PDE4D: variants seen among roughly 807,000 people sequenced by gnomAD.
PDE4D encodes the protein phosphodiesterase 4D, also known as 3',5'-cyclic-AMP phosphodiesterase 4D.
Under a neutral mutation model 87.4 loss-of-function variants are expected in PDE4D, and 24 were observed. That is an observed-to-expected ratio of 0.27 (90% CI 0.20 to 0.39). The LOEUF is 0.39. Ranked by LOEUF, PDE4D falls within the 10% of genes least tolerant of loss-of-function variation. PDE4D has a pLI of 1.00. For synonymous variants in PDE4D, 384 were observed against 383.2 expected, an observed-to-expected ratio of 1.00 and a Z score of -0.02; for missense variants, 714 against 1,041.0, an observed-to-expected ratio of 0.69 and a Z score of 4.32.
chr5:59,519,153 T>C (rs1312890059), intron 1 of PDE4D, among the ~76,000 whole-genome samples: 2 of 152,110 alleles, frequency 1.3e-5, no homozygotes, highest in African/African-American at 4.8e-5. Flanking sequence ...TTCCATCCTT[T>C]AGCAAATATT....
At chr5:59,402,885 T>A (rs28696115) in intron 1 of PDE4D, among the ~76,000 whole-genome samples, 26,170 of 152,078 alleles carry the variant, frequency 0.17, 3,043 homozygotes, top group African/African-American at 0.32. Flanking sequence ...TATCCTCCCA[T>A]TACAGTTATA....
At chr5:59,191,078 A>G (rs1199205139) in intron 3 of PDE4D, among the ~76,000 whole-genome samples, 1 of 152,184 alleles carries the variant, frequency 6.6e-6, no homozygotes, top group African/African-American at 2.4e-5. Context: ...TTATATTCCA[A>G]GTTCTAATTT....
chr5:59,818,275 C>T (rs1263609558), intron 1 of PDE4D, among the ~76,000 whole-genome samples: 1 of 152,220 alleles, frequency 6.6e-6, no homozygotes, highest in Non-Finnish European at 1.5e-5. Flanking sequence ...TCTCATGTCC[C>T]AGTTTGCTCA....
intron 2 of PDE4D, among the ~76,000 whole-genome samples, chr5:60,092,199 G>A (rs1296187312): frequency 1.3e-5 from 2 of 150,586 alleles, no homozygotes; most frequent in African/African-American, 2.5e-5. Context: ...GGCACAAAAA[G>A]ACAAATATTG....
At position 59,456,316 on chromosome 5, in the gene PDE4D, C is replaced by T. The variant is rs113358298; in HGVS notation, c.456-240348G>A. Reference sequence around the variant, plus strand: ...TATTCTCCTGATAGTAAATGAGTCTCATAAGATCTGATGGCTTTAAAAATG... The same window carrying T: ...TATTCTCCTGATAGTAAATGAGTCTTATAAGATCTGATGGCTTTAAAAATG... On this transcript the variant is annotated intron_variant, in intron 1 of 14. Coordinates refer to ENST00000340635, the MANE Select transcript of PDE4D (RefSeq NM_001104631.2). Among the ~76,000 whole-genome samples, 12 of 152,272 alleles carry T rather than the reference C, an allele frequency of 7.9e-5. 2 individuals carry two copies. The highest frequency in any genetic ancestry group is 2.6e-4 in the African/African-American group (11 of 41,550).
chr5:59,382,398 A>T (rs1048398280), intron 1 of PDE4D, among the ~76,000 whole-genome samples: 18 of 152,206 alleles, frequency 1.2e-4, no homozygotes, highest in Non-Finnish European at 2.5e-4. Context: ...AGCAAAAAAA[A>T]TTTCCAAACT....
At chr5:59,439,119 G>A (rs1797207720) in intron 1 of PDE4D, among the ~76,000 whole-genome samples, 3 of 152,164 alleles carry the variant, frequency 2.0e-5, no homozygotes, top group Admixed American at 2.0e-4. Context: ...AGCACTTTGG[G>A]AAGCCGACGT....
At chr5:60,151,400 C>T (rs1425526365) in intron 2 of PDE4D, among the ~76,000 whole-genome samples, 1 of 152,124 alleles carries the variant, frequency 6.6e-6, no homozygotes, top group Non-Finnish European at 1.5e-5. Flanking sequence ...AAACACAAAA[C>T]GTCTTTCAAT....
intron 1 of PDE4D, among the ~76,000 whole-genome samples, chr5:59,403,504 C>A (rs1222167891): frequency 6.6e-6 from 1 of 152,130 alleles, no homozygotes; most frequent in African/African-American, 2.4e-5. Flanking sequence ...ATCTCTATCT[C>A]CAGGATCTCA....
rs549840369 is a variant in PDE4D at position 59,676,795 on chromosome 5, CTAAG to C, written c.455+216369_455+216372del. ...TTTCTTTGGGACTATTCAATATCCT[CTAAG>C]TATTTGAAAATATATAATATATCGT... On this transcript the variant is annotated intron_variant, in intron 1 of 14. Coordinates refer to ENST00000340635, the MANE Select transcript of PDE4D (RefSeq NM_001104631.2). Among the ~76,000 whole-genome samples the C allele has an allele frequency of 8.9e-4, 136 of 152,222 alleles. 1 individual carries two copies. The highest frequency in any genetic ancestry group is 3.4e-3 in the Middle Eastern group (1 of 294).
chr5:60,054,962 A>G (rs1228861045), intron 2 of PDE4D, among the ~76,000 whole-genome samples: 1 of 152,102 alleles, frequency 6.6e-6, no homozygotes, highest in African/African-American at 2.4e-5. Context: ...CAACTCAACG[A>G]ATATAAAGAG....
chr5:59,079,262 A>C (rs1294947850), intron 5 of PDE4D, among the ~76,000 whole-genome samples: 2 of 152,226 alleles, frequency 1.3e-5, no homozygotes, highest in African/African-American at 2.4e-5. Context: ...ATATTTATCT[A>C]TTACCTATGT....
chr5:60,385,882 T>C (rs1358597919), intron 1 of PDE4D, among the ~76,000 whole-genome samples: 1 of 152,098 alleles, frequency 6.6e-6, no homozygotes, highest in African/African-American at 2.4e-5. Flanking sequence ...CTCAATTCCT[T>C]GTACCCTAGC....
chr5:59,933,944 C>T (rs543632920), intron 3 of PDE4D, among the ~76,000 whole-genome samples: 1 of 152,096 alleles, frequency 6.6e-6, no homozygotes, highest in South Asian at 2.1e-4. Context: ...TAGGAAAACA[C>T]TTAAAAACCT....
chr5:59,633,982 T>C (rs298040), intron 1 of PDE4D, among the ~76,000 whole-genome samples: 118,043 of 152,028 alleles, frequency 0.78, 45,970 homozygotes, highest in South Asian at 0.91. Context: ...GTGCTGTATT[T>C]AGTAGACTCA....
chr5:59,175,463 T>TTTTC lies in PDE4D; in HGVS notation c.808+5128_808+5131dup, dbSNP rs1443898894. On this transcript the variant is annotated intron_variant, in intron 5 of 14. Transcript: ENST00000340635. ...TCATCACATTCGGAACTCTATCCAT[T>TTTTC]TTTCTTTCTTTTTTTTTTTTTTTTT... Among the ~76,000 whole-genome samples the TTTTC allele has an allele frequency of 5.3e-4, 62 of 116,320 alleles. 12 individuals are homozygous for TTTTC. Among genetic ancestry groups the TTTTC allele is most frequent in the African/African-American group, 6.6e-4 (18 of 27,440 alleles). The allele number at this position is 116,320 out of a possible 152,430, so 76.3% of individuals were successfully genotyped here. A position where few individuals can be genotyped will look rare whatever the true frequency, so the allele number is the denominator to read the frequency against.
At chr5:59,585,839 A>G (rs1257651965) in intron 1 of PDE4D, among the ~76,000 whole-genome samples, 1 of 152,184 alleles carries the variant, frequency 6.6e-6, no homozygotes, top group African/African-American at 2.4e-5. Context: ...TTGAATAGCT[A>G]AAATATCCTT....
At chr5:59,586,476 G>A in intron 1 of PDE4D, 1 of 1,441,272 alleles carries the variant, frequency 6.9e-7, no homozygotes, top group East Asian at 2.5e-5. Flanking sequence ...CAGCTATCGT[G>A]GGCAATTATT....
chr5:59,171,766 C>A (rs11950544), intron 5 of PDE4D, among the ~76,000 whole-genome samples: 48,220 of 135,816 alleles, frequency 0.36, 8,679 homozygotes, highest in African/African-American at 0.44. Context: ...CTCTCTCTCT[C>A]TCTATATATG....
Sources: gnomAD v4.1 joint callset for allele counts (sites outside exome capture counted in the v4.1 genomes callset) on GRCh38, gnomAD v4.1.1 for gene constraint, MANE v1.5 for transcripts, NCBI Gene and HGNC (gene_info 2026-07-23, HGNC 2026-07-21) for gene names.